The following SLCO3A1 variants were observed in gnomAD, a reference collection of about 807,000 sequenced individuals.
SLCO3A1 encodes PGE1 transporter.
Under a neutral mutation model 63.1 loss-of-function variants are expected in SLCO3A1, and 27 were observed. The observed-to-expected ratio is 0.43, with a 90% confidence interval of 0.32 to 0.59. The LOEUF (loss-of-function observed/expected upper bound fraction) is 0.59. Ranked by LOEUF, SLCO3A1 falls within the 20% of genes least tolerant of loss-of-function variation. The pLI is 0.09. For missense variants in SLCO3A1, 773 were observed against 945.8 expected, an observed-to-expected ratio of 0.82 and a Z score of 2.40; for synonymous variants, 473 against 409.9, an observed-to-expected ratio of 1.15 and a Z score of -1.86.
At chr15:92,023,799 T>G (rs905443528) in intron 2 of SLCO3A1, among the ~76,000 whole-genome samples, 1 of 152,168 alleles carries the variant, frequency 6.6e-6, no homozygotes, top group Non-Finnish European at 1.5e-5. Flanking sequence ...AAACTTAACT[T>G]TAAAAGTTGA....
chr15:92,141,399 G>A (rs1440942373), intron 7 of SLCO3A1, among the ~76,000 whole-genome samples: 1 of 152,190 alleles, frequency 6.6e-6, no homozygotes, highest in Non-Finnish European at 1.5e-5. Context: ...CAGACCATGG[G>A]AGTCTACAGG....
intron 2 of SLCO3A1, among the ~76,000 whole-genome samples, chr15:91,925,478 T>G (rs1460170137): frequency 8.6e-5 from 13 of 150,764 alleles, no homozygotes; most frequent in Non-Finnish European, 1.3e-4. Flanking sequence ...GTACCTTGTT[T>G]TTTTTTTTTT....
intron 2 of SLCO3A1, among the ~76,000 whole-genome samples, chr15:92,038,132 G>C (rs762267015): frequency 2.6e-5 from 4 of 152,208 alleles, no homozygotes; most frequent in Non-Finnish European, 5.9e-5. Flanking sequence ...GGAAGCAGTA[G>C]AGAATGTGAA....
chr15:91,904,253 T>C (rs188306496), intron 1 of SLCO3A1, among the ~76,000 whole-genome samples: 10 of 152,294 alleles, frequency 6.6e-5, no homozygotes, highest in Admixed American at 5.9e-4. Flanking sequence ...TGGGTACTTA[T>C]CAGTATAGCA....
Position 92,143,484 on chromosome 15 carries a change from T to A in SLCO3A1, c.1513-3500T>A, listed in dbSNP as rs28551592. ...AATATATATAAATATATATATATAT[T>A]ATATATATGTATATAAAATCCCACT... is the stretch of plus-strand genomic sequence containing the variant. On this transcript the variant is annotated intron_variant, in intron 7 of 9. Coordinates refer to ENST00000318445, the MANE Select transcript of SLCO3A1 (RefSeq NM_013272.4). Among the ~76,000 whole-genome samples the A allele has an allele frequency of 2.0e-3, 56 of 27,504 alleles. 2 individuals are homozygous for A. Among genetic ancestry groups the A allele is most frequent in the Middle Eastern group, 0.013 (1 of 78 alleles). The allele number at this position is 27,504 out of a possible 152,430, so 18.0% of individuals were successfully genotyped here. A position where few individuals can be genotyped will look rare whatever the true frequency, so the allele number is the denominator to read the frequency against.
At chr15:92,017,293 G>T (rs1445353790) in intron 2 of SLCO3A1, among the ~76,000 whole-genome samples, 2 of 151,990 alleles carry the variant, frequency 1.3e-5, no homozygotes, top group Admixed American at 1.3e-4. Flanking sequence ...ATTGGGGGGG[G>T]GTAGGGAAAG....
chr15:91,909,507 G>A lies in SLCO3A1; in HGVS notation c.181-6486G>A, dbSNP rs141107295. On this transcript the variant is annotated intron_variant, in intron 1 of 9. Transcript: ENST00000318445. ...CCACAGGTTTTTGCAGGACCACAGC[G>A]AGATTGACATCTCCTGCACTGTTTT... Among the ~76,000 whole-genome samples, 168 of 152,278 alleles carry A rather than the reference G, an allele frequency of 1.1e-3. 1 individual carries two copies. The highest frequency in any genetic ancestry group is 4.0e-3 in the African/African-American group (165 of 41,558).
chr15:92,089,065 G>T (rs758993287), intron 2 of SLCO3A1, among the ~76,000 whole-genome samples: 1 of 150,796 alleles, frequency 6.6e-6, no homozygotes, highest in African/African-American at 2.4e-5. Context: ...TGTCTCTGTC[G>T]CCCAGGCTGG....
intron 4 of SLCO3A1, among the ~76,000 whole-genome samples, chr15:92,114,401 C>G (rs1704927448): frequency 6.6e-6 from 1 of 152,184 alleles, no homozygotes; most frequent in Non-Finnish European, 1.5e-5. Flanking sequence ...GTGCTCACAT[C>G]TAATGACAGA....
At chr15:91,989,750 T>G (rs72755623) in intron 2 of SLCO3A1, among the ~76,000 whole-genome samples, 5,747 of 152,286 alleles carry the variant, frequency 0.038, 174 homozygotes, top group Non-Finnish European at 0.052. Context: ...TGATACCAAC[T>G]CAGGGACATG....
At chr15:92,073,013 A>G (rs2047234825) in intron 2 of SLCO3A1, among the ~76,000 whole-genome samples, 1 of 152,050 alleles carries the variant, frequency 6.6e-6, no homozygotes, top group South Asian at 2.1e-4. Context: ...CATTGTCAGG[A>G]CCTTGACCTC....
At chr15:91,994,521 T>C (rs993089376) in intron 2 of SLCO3A1, among the ~76,000 whole-genome samples, 3 of 152,148 alleles carry the variant, frequency 2.0e-5, no homozygotes, top group African/African-American at 7.2e-5. Context: ...AGCAGCTACG[T>C]TGTGTTGTCC....
chr15:91,863,125 T>C lies in SLCO3A1; in HGVS notation c.180+9037T>C, dbSNP rs1168775671. Among the ~76,000 whole-genome samples the C allele has an allele frequency of 6.6e-6, 1 of 152,260 alleles. No individual in the cohort carries two copies. The highest frequency in any genetic ancestry group is 1.5e-5 in the Non-Finnish European group (1 of 68,046). On this transcript the variant is annotated intron_variant, in intron 1 of 9. Coordinates refer to ENST00000318445, the MANE Select transcript of SLCO3A1 (RefSeq NM_013272.4). This position sits in a 1 kb window ranked among gnomAD's most constrained non-coding sequence, Gnocchi z 4.3. ...AATTTCTAAGCAGCATGGACCCATA[T>C]GTGTTTATTATGTAAGATTCAATTA...
rs779641054 is a variant in SLCO3A1, at chr15:92,094,898, C to T, written c.664C>T (p.Leu222=). The change falls in exon 3 of 10, where the codon CTG becomes TTG. Residue 222 remains leucine (L), a synonymous_variant. Coordinates refer to ENST00000318445, the MANE Select transcript of SLCO3A1 (RefSeq NM_013272.4). ...TCCTTCAGGAATCCTGTTCACGATGCTGGTATTTGGACCAGCCTGCGGGTT... is the reference window on the plus strand; with the variant it reads ...TCCTTCAGGAATCCTGTTCACGATGTTGGTATTTGGACCAGCCTGCGGGTT... ...SLYIGILFTM[L]VFGPACGFIL... The T allele has an allele frequency of 3.1e-6, 5 of 1,613,078 alleles. No homozygotes were observed. In the South Asian group the frequency reaches 5.5e-5, roughly 18 times the overall value.
intron 1 of SLCO3A1, among the ~76,000 whole-genome samples, chr15:91,857,734 G>T (rs928284342): frequency 6.6e-6 from 1 of 152,138 alleles, no homozygotes; most frequent in Non-Finnish European, 1.5e-5. Flanking sequence ...AGGTTTCTGT[G>T]TGGTATCAAA....
At chr15:91,972,422 C>T (rs1238659818) in intron 2 of SLCO3A1, among the ~76,000 whole-genome samples, 1 of 152,114 alleles carries the variant, frequency 6.6e-6, no homozygotes, top group Non-Finnish European at 1.5e-5. Flanking sequence ...AGAGGTGCCT[C>T]GCCCTCTCCA....
At chr15:92,157,597 T>C (rs2048388146) in intron 9 of SLCO3A1, among the ~76,000 whole-genome samples, 1 of 152,016 alleles carries the variant, frequency 6.6e-6, no homozygotes, top group Admixed American at 6.5e-5. Context: ...TTCAAGCGAT[T>C]CTCCTGCCTC....
intron 2 of SLCO3A1, among the ~76,000 whole-genome samples, chr15:91,931,821 A>ACACACACACACT (rs1323570307): frequency 4.0e-5 from 6 of 151,262 alleles, no homozygotes; most frequent in Non-Finnish European, 5.9e-5. Context: ...ACACACACAC[A>ACACACACACACT]CTCACACAGG....
chr15:92,092,822 A>C (rs1415319726), intron 2 of SLCO3A1, among the ~76,000 whole-genome samples: 2 of 152,164 alleles, frequency 1.3e-5, no homozygotes, highest in African/African-American at 4.8e-5. Context: ...GACAAACCAG[A>C]GATAATGTGC....
Sources: allele counts gnomAD v4.1 joint callset (sites outside exome capture counted in the v4.1 genomes callset), GRCh38; gene constraint gnomAD v4.1.1; non-coding constraint Gnocchi (gnomAD v3.1); transcripts MANE v1.5; gene names NCBI Gene and HGNC (gene_info 2026-07-23, HGNC 2026-07-21).